Variants in LIN52 observed in about 807,000 individuals in gnomAD.
LIN52 encodes lin-52 DREAM MuvB core complex component, also known as protein lin-52 homolog.
In LIN52, 4 loss-of-function variants were observed where a neutral mutation model predicts 18.5. The observed-to-expected ratio is 0.22, with a 90% CI of 0.11 to 0.49. LIN52 has a LOEUF of 0.49. Ranked by LOEUF, LIN52 falls within the 20% of genes least tolerant of loss-of-function variation. LIN52 has a pLI of 0.97. For synonymous variants in LIN52, 34 were observed against 45.5 expected (o/e 0.75, Z 1.02); for missense variants, 102 against 139.5 (o/e 0.73, Z 1.35).
chr14:74,097,395 G>C (rs1404752934), intron 3 of LIN52, among the ~76,000 whole-genome samples: 4 of 151,236 alleles, frequency 2.6e-5, no homozygotes, highest in Admixed American at 2.0e-4. Context: ...CAACCTGAAG[G>C]CTATGTGACA....
At chr14:74,085,114 AT>A (rs2060716391) in intron 1 of LIN52, 121 bp downstream of exon 1, 15 of 999,568 alleles carry the variant, frequency 1.5e-5, no homozygotes, top group Admixed American at 3.2e-5. Context: ...TTTCCCTTTT[AT>A]TTTTTTTCTT....
At chr14:74,131,423 A>T (rs1326608805) in intron 5 of LIN52, among the ~76,000 whole-genome samples, 1 of 150,764 alleles carries the variant, frequency 6.6e-6, no homozygotes. Flanking sequence ...GGTTCAAGCG[A>T]TTCTCCTGCC....
intron 5 of LIN52, among the ~76,000 whole-genome samples, chr14:74,136,252 A>C (rs968151729): frequency 3.3e-5 from 5 of 152,080 alleles, no homozygotes; most frequent in Admixed American, 1.3e-4. Flanking sequence ...GCAGACCTTT[A>C]TTTTTTCTTT....
chr14:74,101,286 T>C, intron 5 of LIN52, 48 bp downstream of exon 5: 2 of 1,332,842 alleles, frequency 1.5e-6, no homozygotes, highest in Non-Finnish European at 2.1e-6. Context: ...CACCCTGAGC[T>C]GTGTATTCCA....
At chr14:74,094,603 C>T (rs1244623393) in intron 2 of LIN52, among the ~76,000 whole-genome samples, 1 of 152,150 alleles carries the variant, frequency 6.6e-6, no homozygotes, top group Non-Finnish European at 1.5e-5. Flanking sequence ...AGTGAATACC[C>T]ATGTACACAT....
intron 5 of LIN52, among the ~76,000 whole-genome samples, chr14:74,123,412 GT>G (rs933552687): frequency 3.0e-4 from 46 of 152,270 alleles, no homozygotes; most frequent in African/African-American, 1.1e-3. Context: ...CAATTCTTAG[GT>G]TTCTAGCTTA....
chr14:74,116,816 ATTTT>A (rs1457476401), intron 5 of LIN52, among the ~76,000 whole-genome samples: 1 of 151,264 alleles, frequency 6.6e-6, no homozygotes, highest in Non-Finnish European at 1.5e-5. Flanking sequence ...AGAACATACA[ATTTT>A]ACAGCAGGTG....
At chr14:74,173,149 A>C (rs1052172098) in intron 5 of LIN52, among the ~76,000 whole-genome samples, 1 of 152,130 alleles carries the variant, frequency 6.6e-6, no homozygotes, top group African/African-American at 2.4e-5. Flanking sequence ...TTAGCCAATT[A>C]TTTACATGTA....
intron 5 of LIN52, among the ~76,000 whole-genome samples, chr14:74,137,807 CT>C (rs1167180883): frequency 6.6e-6 from 1 of 152,026 alleles, no homozygotes; most frequent in Non-Finnish European, 1.5e-5. Context: ...CTCACAGTAG[CT>C]CTTTTAATAA....
At chr14:74,159,172 A>AATTG (rs397799868) in intron 5 of LIN52, among the ~76,000 whole-genome samples, 1 of 150,378 alleles carries the variant, frequency 6.6e-6, no homozygotes, top group African/African-American at 2.4e-5. Context: ...TATTTGTATT[A>AATTG]TATTCAGTAT....
At chr14:74,087,197 C>G (rs137919172) in intron 1 of LIN52, among the ~76,000 whole-genome samples, 2 of 151,912 alleles carry the variant, frequency 1.3e-5, no homozygotes, top group Non-Finnish European at 2.9e-5. Context: ...GGGTGGATCA[C>G]GAGGTCAGGA....
rs910059690 is a variant in LIN52, at chr14:74,200,032, A to G, written c.*1055A>G. On this transcript the variant is annotated 3_prime_UTR_variant, in exon 6 of 6. Transcript: ENST00000555028. ...AAAATCTAGCCCATGGCTAAAATCT[A>G]TTATATGTGTTCTCCATATTTCTTG... 1.3e-5 allele frequency: 2 copies of G among 152,016 alleles called. No individual in the cohort carries two copies. The highest frequency in any genetic ancestry group is 4.8e-5 in the African/African-American group (2 of 41,372). 9.4% of individuals were successfully genotyped at this position (152,016 alleles called of 1,614,324 possible).
chr14:74,153,606 G>A (rs540841598), intron 5 of LIN52, among the ~76,000 whole-genome samples: 4 of 150,794 alleles, frequency 2.7e-5, no homozygotes, highest in Non-Finnish European at 5.9e-5. Context: ...GTACAGTGGC[G>A]CAATCTTGGC....
intron 5 of LIN52, among the ~76,000 whole-genome samples, chr14:74,176,948 G>C (rs769855717): frequency 2.6e-5 from 4 of 151,410 alleles, no homozygotes; most frequent in Non-Finnish European, 4.4e-5. Flanking sequence ...CCATTACATG[G>C]ATAAACTATG....
At chr14:74,105,761 C>T (rs1342524990) in intron 5 of LIN52, among the ~76,000 whole-genome samples, 2 of 151,848 alleles carry the variant, frequency 1.3e-5, no homozygotes, top group East Asian at 3.9e-4. Context: ...TGTTTTTATG[C>T]AAATATCTGC....
intron 5 of LIN52, among the ~76,000 whole-genome samples, chr14:74,192,049 T>G (rs1183989678): frequency 2.0e-5 from 3 of 152,226 alleles, no homozygotes; most frequent in African/African-American, 7.2e-5. Flanking sequence ...TACACCACAG[T>G]ATGCCTTCAT....
chr14:74,181,304 G>C (rs1039421688), intron 5 of LIN52, among the ~76,000 whole-genome samples: 1 of 151,586 alleles, frequency 6.6e-6, no homozygotes, highest in African/African-American at 2.4e-5. Context: ...AAGAAAAAAA[G>C]CCGGTCCAGG....
At chr14:74,185,818 G>T (rs1248965015) in intron 5 of LIN52, among the ~76,000 whole-genome samples, 5 of 152,058 alleles carry the variant, frequency 3.3e-5, no homozygotes, top group African/African-American at 1.2e-4. Context: ...GGAGTGTAGT[G>T]ACACGATCAT....
chr14:74,144,724 A>G (rs2061146895), intron 5 of LIN52, among the ~76,000 whole-genome samples: 1 of 152,248 alleles, frequency 6.6e-6, no homozygotes. Context: ...AAAATGTGGT[A>G]AAGTACAGTT....
Sources: gnomAD v4.1 joint callset for allele counts (sites outside exome capture counted in the v4.1 genomes callset) on GRCh38, gnomAD v4.1.1 for gene constraint, MANE v1.5 for transcripts, NCBI Gene and HGNC (gene_info 2026-07-23, HGNC 2026-07-21) for gene names.